NCBP1: variants seen among roughly 807,000 people sequenced by gnomAD.
The protein encoded by NCBP1 is nuclear cap binding protein subunit 1.
In NCBP1, 16 loss-of-function variants were observed where a neutral mutation model predicts 111.7. The observed-to-expected ratio is 0.14, with a 90% CI of 0.10 to 0.22. The LOEUF (loss-of-function observed/expected upper bound fraction) is 0.22. Ranked by LOEUF, NCBP1 falls within the 10% of genes least tolerant of loss-of-function variation. The probability of loss-of-function intolerance (pLI) is 1.00; values close to 1 mark genes in which losing one functional copy is unlikely to be tolerated. For missense variants in NCBP1, 607 were observed against 957.5 expected (o/e 0.63, Z 4.83); for synonymous variants, 304 against 314.3 (o/e 0.97, Z 0.35).
At chr9:97,655,862 A>C in intron 13 of NCBP1, 98 bp downstream of exon 13, 1 of 1,382,748 alleles carries the variant, frequency 7.2e-7, no homozygotes, top group Non-Finnish European at 1.0e-6. Flanking sequence ...TTTCTTGGAA[A>C]CTATTTGTAG....
At position 97,635,382 on chromosome 9, in the gene NCBP1, C is replaced by T. The variant is rs115435026; in HGVS notation, c.34+1467C>T. On this transcript the variant is annotated intron_variant, in intron 1 of 22. Coordinates refer to ENST00000375147, the MANE Select transcript of NCBP1 (RefSeq NM_002486.5). Reference sequence around the variant, plus strand: ...TAACACGAGGTTTCTTGTGTAACCTCTGTACAAGGCACAGAAAATACAATT... The same window carrying T: ...TAACACGAGGTTTCTTGTGTAACCTTTGTACAAGGCACAGAAAATACAATT... Among the ~76,000 whole-genome samples, 996 of 151,158 alleles carry T rather than the reference C, an allele frequency of 6.6e-3. 9 individuals are homozygous for T. The highest frequency in any genetic ancestry group is 0.023 in the African/African-American group (958 of 40,890).
intron 16 of NCBP1, among the ~76,000 whole-genome samples, chr9:97,661,569 A>G (rs1827834808): frequency 2.0e-5 from 3 of 152,194 alleles, no homozygotes. Context: ...CTGAATCAAA[A>G]TAAGATATTA....
At chr9:97,634,729 G>A (rs987044909) in intron 1 of NCBP1, 5 of 152,316 alleles carry the variant, frequency 3.3e-5, no homozygotes, top group Middle Eastern at 3.4e-3. Flanking sequence ...GTAAAACTTA[G>A]AGTAATTCTA....
chr9:97,665,026 G>A (rs980888985), intron 19 of NCBP1, among the ~76,000 whole-genome samples: 29 of 152,272 alleles, frequency 1.9e-4, no homozygotes, highest in Middle Eastern at 3.4e-3. Flanking sequence ...TGAAGTTCAC[G>A]GACTTTACAG....
chr9:97,644,334 C>A (rs1827278237), intron 4 of NCBP1, among the ~76,000 whole-genome samples: 1 of 152,130 alleles, frequency 6.6e-6, no homozygotes, highest in Non-Finnish European at 1.5e-5. Context: ...ACTTGCAGAT[C>A]CCTAAACACA....
intron 6 of NCBP1, among the ~76,000 whole-genome samples, chr9:97,647,227 A>G (rs1178251666): frequency 1.3e-5 from 2 of 152,182 alleles, no homozygotes; most frequent in African/African-American, 2.4e-5. Context: ...AACAATTTTG[A>G]TAGATTTAGT....
chr9:97,645,171 G>T lies in NCBP1; in HGVS notation c.436G>T (p.Val146Phe). Residue 146 changes from valine to phenylalanine, a missense_variant, in exon 5 of 23, where the codon GTT becomes TTT. Physicochemically the swap from Val to Phe is conservative, Grantham distance 50. Transcript: ENST00000375147. The part of the protein sequence containing the change: ...NCHVIAAPSM[V>F]AMFENFVSVT... ...TCATGTGATTGCCGCCCCATCAATG[G>T]TTGCTATGTTTGAAAATTTTGTAAG... 8 of 1,613,550 alleles carry T rather than the reference G, an allele frequency of 5.0e-6. No individual in the cohort carries two copies. The highest frequency in any genetic ancestry group is 6.8e-6 in the Non-Finnish European group (8 of 1,179,642).
At chr9:97,655,263 T>A (rs557455037) in intron 12 of NCBP1, among the ~76,000 whole-genome samples, 8 of 152,158 alleles carry the variant, frequency 5.3e-5, no homozygotes, top group Non-Finnish European at 1.0e-4. Context: ...CAGGCTGGAG[T>A]GCAGTGGGAT....
intron 14 of NCBP1, 64 bp downstream of exon 14, chr9:97,656,149 T>G: frequency 7.9e-7 from 1 of 1,261,192 alleles, no homozygotes; most frequent in Non-Finnish European, 1.2e-6. Context: ...TCTCTGCACT[T>G]GTGATGTGTG....
chr9:97,648,566 C>A (rs1246506190), intron 8 of NCBP1, among the ~76,000 whole-genome samples: 1 of 152,098 alleles, frequency 6.6e-6, no homozygotes, highest in Non-Finnish European at 1.5e-5. Context: ...CCTGTGCTTT[C>A]ATTTCCTGAA....
Position 97,671,416 on chromosome 9 carries a change from T to G in NCBP1, c.*217T>G. On this transcript the variant is annotated 3_prime_UTR_variant, in exon 23 of 23. Transcript: ENST00000375147. ...TAATGTGACTATGACCATGATATAT[T>G]ATATATGTGACAGATACAAATTCTC... 2.1e-6 allele frequency: 1 copy of G among 474,490 alleles called. No homozygotes were observed. Among genetic ancestry groups the G allele is most frequent in the Non-Finnish European group, 3.8e-6 (1 of 265,080 alleles). The allele number at this position is 474,490 out of a possible 1,614,324, so 29.4% of individuals were successfully genotyped here. A position where few individuals can be genotyped will look rare whatever the true frequency, so the allele number is the denominator to read the frequency against.
chr9:97,634,268 G>A (rs188301005), intron 1 of NCBP1, among the ~76,000 whole-genome samples: 9 of 152,348 alleles, frequency 5.9e-5, no homozygotes, highest in Admixed American at 2.6e-4. Flanking sequence ...ACTGGTCCTA[G>A]TGTCTCGTTT....
rs577023814 is a variant in NCBP1 at position 97,666,621 on chromosome 9, A to G, written c.1902-142A>G. On this transcript the variant is annotated intron_variant, in intron 19 of 22. Coordinates refer to ENST00000375147, the MANE Select transcript of NCBP1 (RefSeq NM_002486.5). ...TACAATAAAAGACCAATTTGTAAGT[A>G]TTGCTGGAGAAAGATGACTAATTCA... is the stretch of plus-strand genomic sequence containing the variant. 2.9e-5 allele frequency: 16 copies of G among 556,916 alleles called. No individual in the cohort carries two copies. In the African/African-American group the frequency reaches 2.9e-4, roughly 10 times the overall value. 34.5% of individuals were successfully genotyped at this position (556,916 alleles called of 1,614,324 possible).
chr9:97,664,356 T>C lies in NCBP1; in HGVS notation c.1814T>C (p.Val605Ala). The change falls in exon 19 of 23, where the codon GTG (valine) becomes GCG (alanine). Residue 605 changes from valine (V) to alanine (A), a missense_variant. Val to Ala is a moderately conservative substitution (Grantham distance 64). Around this residue, in one of 9 missense-constraint regions of NCBP1, gnomAD observed 282 missense variants for 376.5 expected, o/e 0.75. Transcript: ENST00000375147. The stretch of plus-strand genomic sequence containing the variant: ...TCATTGTAGATGATTGCTGTACTAG[T>C]GGATAAGATGATTCGTACACAAATA... ...RNHPQMIAVL[V>A]DKMIRTQIVD... The C allele has an allele frequency of 6.2e-7, 1 of 1,610,186 alleles. No individual in the cohort carries two copies. The highest frequency in any genetic ancestry group is 8.5e-7 in the Non-Finnish European group (1 of 1,176,606).
In NCBP1 at chr9:97,671,235, T is replaced by C. The variant is rs749381559; in HGVS notation, c.*36T>C. Reference sequence around the variant, plus strand: ...TTCCTCATGTCAAGGTTTTTTTTGATATCTTAAAATAATTTGTCTTATTTT... The same window carrying C: ...TTCCTCATGTCAAGGTTTTTTTTGACATCTTAAAATAATTTGTCTTATTTT... On this transcript the variant is annotated 3_prime_UTR_variant, in exon 23 of 23. Transcript: ENST00000375147. 7.2e-7 allele frequency: 1 copy of C among 1,394,050 alleles called. No individual in the cohort carries two copies. The highest frequency in any genetic ancestry group is 2.3e-5 in the East Asian group (1 of 43,640). 86.4% of individuals were successfully genotyped at this position (1,394,050 alleles called of 1,614,324 possible). A position where few individuals can be genotyped will look rare whatever the true frequency, so the allele number is the denominator to read the frequency against.
At chr9:97,657,013 G>C (rs1827676773) in intron 14 of NCBP1, among the ~76,000 whole-genome samples, 1 of 152,172 alleles carries the variant, frequency 6.6e-6, no homozygotes, top group South Asian at 2.1e-4. Flanking sequence ...CTGTCACCCA[G>C]GCTGGAGTGC....
chr9:97,660,449 A>G (rs1239225105), intron 15 of NCBP1, among the ~76,000 whole-genome samples: 1 of 152,196 alleles, frequency 6.6e-6, no homozygotes. Flanking sequence ...GACTCAGCAA[A>G]AAAGAAAAGT....
rs377027165 is a variant in NCBP1 at position 97,636,637 on chromosome 9, C to CATATATAT, written c.34+2752_34+2759dup. The stretch of plus-strand genomic sequence containing the variant: ...AGAAGCAAGCATATGGAAAGTAATA[C>CATATATAT]ATATATATATATATATATATATATA... On this transcript the variant is annotated intron_variant, in intron 1 of 22. Transcript: ENST00000375147. Among the ~76,000 whole-genome samples the CATATATAT allele has an allele frequency of 9.3e-3, 1,028 of 111,092 alleles. 8 individuals are homozygous for CATATATAT. The highest frequency in any genetic ancestry group is 0.022 in the East Asian group (73 of 3,282). 72.9% of individuals were successfully genotyped at this position (111,092 alleles called of 152,430 possible).
rs117531921 is a variant in NCBP1, at chr9:97,664,179, A to C, written c.1798-161A>C. Among the ~76,000 whole-genome samples, 733 of 151,898 alleles carry C rather than the reference A, an allele frequency of 4.8e-3. 1 individual carries two copies. Among genetic ancestry groups the C allele is most frequent in the Non-Finnish European group, 8.2e-3 (555 of 67,898 alleles). On this transcript the variant is annotated intron_variant, in intron 18 of 22. Coordinates refer to ENST00000375147, the MANE Select transcript of NCBP1 (RefSeq NM_002486.5). The stretch of plus-strand genomic sequence containing the variant: ...AGGTGACAGAGCAACTCTGTCTCCC[A>C]AAAAAAAGACCTAATGGTCAGATTG...
Sources: gnomAD v4.1 joint callset for allele counts (sites outside exome capture counted in the v4.1 genomes callset) on GRCh38, gnomAD v4.1.1 for gene constraint, gnomAD v4.1.1 regional missense constraint, MANE v1.5 for transcripts, NCBI Gene and HGNC (gene_info 2026-07-23, HGNC 2026-07-21) for gene names.